Variants in HIVEP3 observed in about 807,000 individuals in gnomAD.
The protein encoded by HIVEP3 is transcription factor HIVEP3.
A neutral mutation model predicts 152.8 loss-of-function variants in HIVEP3; 49 were observed. The ratio of observed to expected loss-of-function variants is 0.32; its 90% CI spans 0.26 to 0.41. The LOEUF is 0.41. HIVEP3 is among the 10% of genes least tolerant of loss of function. The pLI is 1.00. For missense variants in HIVEP3, 2,790 were observed against 3,103.3 expected, an observed-to-expected ratio of 0.90 and a Z score of 2.40; for synonymous variants, 1,269 against 1,289.0, an observed-to-expected ratio of 0.98 and a Z score of 0.33.
At chr1:41,927,686 T>C (rs1012966933) in intron 1 of HIVEP3, among the ~76,000 whole-genome samples, 9 of 152,092 alleles carry the variant, frequency 5.9e-5, no homozygotes, top group Admixed American at 2.0e-4. Flanking sequence ...GCAACCCTTC[T>C]CCCCGATAAT....
At chr1:41,959,588 G>A (rs144811733) in intron 1 of HIVEP3, among the ~76,000 whole-genome samples, 1 of 152,316 alleles carries the variant, frequency 6.6e-6, no homozygotes, top group East Asian at 1.9e-4. Flanking sequence ...ATAACACCCT[G>A]TACAGGTGAG....
chr1:41,832,878 T>C (rs1474920046), intron 1 of HIVEP3, among the ~76,000 whole-genome samples: 1 of 152,234 alleles, frequency 6.6e-6, no homozygotes, highest in East Asian at 1.9e-4. Context: ...ATGCTGATTT[T>C]ACCCTCCACT....
At chr1:41,928,788 G>A (rs898493815) in intron 1 of HIVEP3, among the ~76,000 whole-genome samples, 1 of 152,164 alleles carries the variant, frequency 6.6e-6, no homozygotes, top group Non-Finnish European at 1.5e-5. Context: ...GTTTTGGCAA[G>A]AATGCCACAG....
chr1:41,827,535 T>C lies in HIVEP3; in HGVS notation c.-801+90878A>G, dbSNP rs185975750. Among the ~76,000 whole-genome samples, 77 of 152,164 alleles carry C rather than the reference T, an allele frequency of 5.1e-4. 1 individual carries two copies. In the East Asian group the frequency reaches 0.013, roughly 25 times the overall value. On this transcript the variant is annotated intron_variant, in intron 1 of 8. Coordinates refer to ENST00000372583, the MANE Select transcript of HIVEP3 (RefSeq NM_024503.5). ...TGGGGAGGGGGTGGGCTGGGGACAG[T>C]GAGGAATGGGTTGAGTCAATCCCAC...
intron 1 of HIVEP3, among the ~76,000 whole-genome samples, chr1:42,007,558 C>A (rs1350929019): frequency 6.6e-6 from 1 of 152,134 alleles, no homozygotes; most frequent in Non-Finnish European, 1.5e-5. Flanking sequence ...CACTTAGGGG[C>A]AAGTCTTCTG....
chr1:41,757,684 T>A (rs1457782514), intron 1 of HIVEP3, among the ~76,000 whole-genome samples: 1 of 152,008 alleles, frequency 6.6e-6, no homozygotes, highest in East Asian at 1.9e-4. Context: ...TCTGTTTATA[T>A]TTTCTACTTT....
intron 1 of HIVEP3, among the ~76,000 whole-genome samples, chr1:41,812,327 T>C (rs1272820715): frequency 6.6e-6 from 1 of 152,020 alleles, no homozygotes; most frequent in East Asian, 1.9e-4. Context: ...ATTCCAGCAT[T>C]TGGGGAGGCT....
rs1350799107 is a variant in HIVEP3, at chr1:41,991,754, A to T, written n.119+44053T>A. 2.6e-3 allele frequency among the ~76,000 whole-genome samples: 382 copies of T among 148,240 alleles called. 2 individuals are homozygous for T. The East Asian group carries it at 0.035, about 14-fold the overall frequency. On this transcript the variant is annotated intron_variant and non_coding_transcript_variant, in intron 1 of 3. Transcript: ENST00000489103. ...CATTGATGCAAAAATCCTCAATAAA[A>T]TACTGGCAAAACGAATCCAGCAGCA...
intron 1 of HIVEP3, among the ~76,000 whole-genome samples, chr1:41,829,415 T>A (rs1364946930): frequency 6.6e-6 from 1 of 152,074 alleles, no homozygotes; most frequent in East Asian, 1.9e-4. Context: ...CCACCCTACC[T>A]CTGTTGCTTA....
chr1:41,551,771 T>C lies in HIVEP3; in HGVS notation c.5207+23773A>G, dbSNP rs912242064. ...GCGTCTATTTGATTCTTCTCTTTTT[T>C]CTTCTTTAGGAGTCTTGCTAATGGT... On this transcript the variant is annotated intron_variant, in intron 5 of 8. Transcript: ENST00000372583. Among the ~76,000 whole-genome samples the C allele has an allele frequency of 2.0e-5, 3 of 152,226 alleles. No individual in the cohort carries two copies. The East Asian group carries it at 5.8e-4, about 29-fold the overall frequency.
At chr1:41,915,887 T>C (rs928515052) in intron 1 of HIVEP3, among the ~76,000 whole-genome samples, 1 of 152,178 alleles carries the variant, frequency 6.6e-6, no homozygotes, top group African/African-American at 2.4e-5. Context: ...GCCCGCCTAG[T>C]GCATCTGCAG....
At chr1:41,544,840 C>CCAT (rs1643660237) in intron 5 of HIVEP3, among the ~76,000 whole-genome samples, 1 of 117,470 alleles carries the variant, frequency 8.5e-6, no homozygotes, top group African/African-American at 3.8e-5. Context: ...ATCACCACCA[C>CCAT]CACTACCACC....
chr1:41,798,005 C>CA (rs1416961300), intron 1 of HIVEP3, among the ~76,000 whole-genome samples: 3 of 151,738 alleles, frequency 2.0e-5, no homozygotes, highest in Admixed American at 1.3e-4. Context: ...AAAACAAAAA[C>CA]AAAAAACCAT....
At chr1:41,864,615 G>A (rs1395765625) in intron 1 of HIVEP3, 1 of 152,252 alleles carries the variant, frequency 6.6e-6, no homozygotes, top group Non-Finnish European at 1.5e-5. Flanking sequence ...GTCATGAGGA[G>A]AACCTCTGGA....
intron 1 of HIVEP3, among the ~76,000 whole-genome samples, chr1:41,712,792 G>C (rs1450665039): frequency 1.3e-5 from 2 of 152,132 alleles, no homozygotes; most frequent in Non-Finnish European, 2.9e-5. Context: ...CATCCTCCCT[G>C]GGGAGAAGCA....
intron 5 of HIVEP3, among the ~76,000 whole-genome samples, chr1:41,531,481 T>C (rs1569781809): frequency 1.1e-5 from 1 of 93,968 alleles, no homozygotes; most frequent in Non-Finnish European, 2.1e-5. Context: ...ACAGGGGAGA[T>C]GGAGGACAGG....
At chr1:41,696,858 T>G (rs964791268) in intron 2 of HIVEP3, among the ~76,000 whole-genome samples, 1 of 152,228 alleles carries the variant, frequency 6.6e-6, no homozygotes, top group Non-Finnish European at 1.5e-5. Flanking sequence ...TCCTCTACTT[T>G]CCAAAATTTT....
chr1:42,029,207 T>C (rs1023787465), intron 1 of HIVEP3, among the ~76,000 whole-genome samples: 1 of 152,182 alleles, frequency 6.6e-6, no homozygotes, highest in African/African-American at 2.4e-5. Flanking sequence ...GAAGATTTCA[T>C]TAGTTGGAGT....
At chr1:41,695,636 G>A (rs1646262004) in intron 2 of HIVEP3, among the ~76,000 whole-genome samples, 1 of 152,186 alleles carries the variant, frequency 6.6e-6, no homozygotes, top group Non-Finnish European at 1.5e-5. Flanking sequence ...TGGGGGGTCA[G>A]CCGGCTGCAG....
Sources: allele counts gnomAD v4.1 joint callset (sites outside exome capture counted in the v4.1 genomes callset), GRCh38; gene constraint gnomAD v4.1.1; transcripts MANE v1.5; gene names NCBI Gene and HGNC (gene_info 2026-07-23, HGNC 2026-07-21).